Variants in ZNF583 observed in about 807,000 individuals in gnomAD.
ZNF583 encodes the protein zinc finger protein L3-5.
ZNF583 carries 30 observed loss-of-function variants against 55.3 expected under a neutral mutation model. That is an observed-to-expected ratio of 0.54 (90% CI 0.41 to 0.74). The LOEUF (loss-of-function observed/expected upper bound fraction) is 0.74. Ranked by LOEUF, ZNF583 falls within the 30% of genes least tolerant of loss-of-function variation. The pLI is 0.00. For missense variants in ZNF583, 504 were observed against 664.7 expected (o/e 0.76, Z 2.66); for synonymous variants, 208 against 220.0 (o/e 0.95, Z 0.48).
At chr19:56,411,698 C>A (rs1600358745) in intron 2 of ZNF583, among the ~76,000 whole-genome samples, 2 of 152,212 alleles carry the variant, frequency 1.3e-5, no homozygotes, top group Admixed American at 6.5e-5. Context: ...GATTCACATT[C>A]TTTTCCTTCT....
At chr19:56,417,536 A>AGTTCT (rs2042347356) in intron 4 of ZNF583, among the ~76,000 whole-genome samples, 2 of 152,266 alleles carry the variant, frequency 1.3e-5, no homozygotes, top group South Asian at 4.1e-4. Flanking sequence ...ATGATTTGTA[A>AGTTCT]GAGTTCTGTA....
rs530762967 is a variant in ZNF583, at chr19:56,408,431, T to G, written c.9+1308T>G. 3.9e-5 allele frequency among the ~76,000 whole-genome samples: 6 copies of G among 152,352 alleles called. No individual in the cohort carries two copies. The South Asian group carries it at 1.2e-3, about 32-fold the overall frequency. ...GTATATACTAGCATGACTGAGAAAC[T>G]GAATTTTTCATGTTAATTGATTTAA... On this transcript the variant is annotated intron_variant, in intron 2 of 4. Coordinates refer to ENST00000333201, the MANE Select transcript of ZNF583 (RefSeq NM_152478.3).
chr19:56,416,160 T>C (rs1020738240), intron 4 of ZNF583, among the ~76,000 whole-genome samples: 3 of 151,746 alleles, frequency 2.0e-5, no homozygotes, highest in Non-Finnish European at 2.9e-5. Context: ...ACCCTGCCTC[T>C]ACTAAAAATA....
chr19:56,423,183 G>A lies in ZNF583; in HGVS notation c.525G>A (p.Gln175=). The A allele has an allele frequency of 1.1e-5, 17 of 1,612,926 alleles. No individual in the cohort carries two copies. Among genetic ancestry groups the A allele is most frequent in the Non-Finnish European group, 1.4e-5 (17 of 1,179,858 alleles). The change falls in exon 5 of 5, where the codon CAG becomes CAA. Residue 175 remains glutamine, a synonymous_variant. Transcript: ENST00000333201. ...AGGATACAATCTTTGATATACAACAGAGTTTTCCCACCAAAGAAAAAGCAC... is the reference window on the plus strand; with the variant it reads ...AGGATACAATCTTTGATATACAACAAAGTTTTCCCACCAAAGAAAAAGCAC... The part of the protein sequence containing the change: ...FHQDTIFDIQ[Q]SFPTKEKAHK...
chr19:56,419,970 C>A (rs2042388627), intron 4 of ZNF583, among the ~76,000 whole-genome samples: 1 of 151,982 alleles, frequency 6.6e-6, no homozygotes, highest in Admixed American at 6.6e-5. Flanking sequence ...TTTTCTTCTA[C>A]TTTCCTTAAG....
chr19:56,413,876 G>C, intron 2 of ZNF583, 83 bp from the exon 3 acceptor site: 1 of 1,586,000 alleles, frequency 6.3e-7, no homozygotes, highest in Non-Finnish European at 8.6e-7. Context: ...TTCTCTAAAA[G>C]TATAGACAAT....
At position 56,424,457 on chromosome 19, in the gene ZNF583, TA is replaced by T; in HGVS notation, c.*90del. 5 of 632,204 alleles carry T rather than the reference TA, an allele frequency of 7.9e-6. No individual in the cohort carries two copies. The East Asian group carries it at 1.4e-4, about 17-fold the overall frequency. 39.2% of individuals were successfully genotyped at this position (632,204 alleles called of 1,614,324 possible). On this transcript the variant is annotated 3_prime_UTR_variant, in exon 5 of 5. Transcript: ENST00000333201. ...ATATATTTGACATGGGATACTCGAG[TA>T]GCTTTCTAATTGGTCTCCTTGTACT...
Position 56,423,438 on chromosome 19 carries a change from AATAC to A in ZNF583, c.785_788del (p.His262LeufsTer49). 1 of 1,613,972 alleles carries A rather than the reference AATAC, an allele frequency of 6.2e-7. No individual in the cohort carries two copies. The highest frequency in any genetic ancestry group is 8.5e-7 in the Non-Finnish European group (1 of 1,179,866). ...GTGCAAACTTGGCGCAACATAAGAG[AATAC>A]ATACTGGAGAGAAACCCTATGAATG... On this transcript the variant is annotated frameshift_variant, in exon 5 of 5. Transcript: ENST00000333201. LOFTEE classifies it high-confidence loss of function.
rs2147614650 is a variant in ZNF583, at chr19:56,423,382, T to C, written c.724T>C (p.Cys242Arg). The change falls in exon 5 of 5, where the codon TGT (cysteine) becomes CGT (arginine). Residue 242 changes from cysteine (C) to arginine (R), a missense_variant. Cys to Arg is a radical substitution (Grantham distance 180). This residue lies in a region of ZNF583 where 237 missense variants were observed against 373.0 expected (regional missense o/e 0.64). Transcript: ENST00000333201. ...TCATACTGGAGAGAAACCCTATGCA[T>C]GTGTTGAATGTGGGAAAACGTTCAG... is the stretch of plus-strand genomic sequence containing the variant. ...RIHTGEKPYA[C>R]VECGKTFSQS... 1 of 1,614,130 alleles carries C rather than the reference T, an allele frequency of 6.2e-7. No individual in the cohort carries two copies. Among genetic ancestry groups the C allele is most frequent in the Non-Finnish European group, 8.5e-7 (1 of 1,179,998 alleles).
intron 2 of ZNF583, among the ~76,000 whole-genome samples, chr19:56,411,408 A>G (rs1290117740): frequency 1.3e-5 from 2 of 152,382 alleles, no homozygotes; most frequent in Non-Finnish European, 2.9e-5. Context: ...CAAAGTAAAT[A>G]TAAAAAAATG....
chr19:56,421,038 T>G (rs2042405862), intron 4 of ZNF583, among the ~76,000 whole-genome samples: 1 of 152,184 alleles, frequency 6.6e-6, no homozygotes, highest in Admixed American at 6.5e-5. Flanking sequence ...CTTTTTATAT[T>G]ATGCTTCCAG....
chr19:56,423,087 C>T lies in ZNF583; in HGVS notation c.429C>T (p.Ile143=), dbSNP rs1406273338. ...GSQEVHLSQL[I]ITHKEILPEV... ...AAGAGGTACATCTTAGTCAATTAAT[C>T]ATCACTCATAAAGAAATCCTTCCAG... The change falls in exon 5 of 5, where the codon ATC becomes ATT. Residue 143 remains isoleucine, a synonymous_variant. Transcript: ENST00000333201. 1 of 1,612,898 alleles carries T rather than the reference C, an allele frequency of 6.2e-7. No individual in the cohort carries two copies. The highest frequency in any genetic ancestry group is 1.1e-5 in the South Asian group (1 of 90,730).
intron 4 of ZNF583, among the ~76,000 whole-genome samples, chr19:56,416,543 A>G (rs2147587908): frequency 6.6e-6 from 1 of 151,350 alleles, no homozygotes; most frequent in South Asian, 2.1e-4. Context: ...AGCTTAATCT[A>G]TTAATTTAAT....
intron 2 of ZNF583, among the ~76,000 whole-genome samples, chr19:56,409,408 C>T (rs1411003389): frequency 6.7e-6 from 1 of 150,166 alleles, no homozygotes; most frequent in Non-Finnish European, 1.5e-5. Context: ...ACCCATTAGC[C>T]CAAATGCTGT....
intron 4 of ZNF583, chr19:56,421,322 T>C (rs1568813489): frequency 3.6e-6 from 1 of 280,670 alleles, no homozygotes; most frequent in Admixed American, 6.5e-5. Flanking sequence ...TATAGTTTTA[T>C]CAACTTAATT....
rs1404728069 is a variant in ZNF583, at chr19:56,426,484, T to TA, written c.*2117dup. ...TTATATGATCAAAGATAGTAAAAGATACAATATTTTTTAAACCTAAGAATG... is the reference window on the plus strand; with the variant it reads ...TTATATGATCAAAGATAGTAAAAGATAACAATATTTTTTAAACCTAAGAATG... On this transcript the variant is annotated 3_prime_UTR_variant, in exon 5 of 5. Transcript: ENST00000333201. 6.6e-6 allele frequency: 1 copy of TA among 152,166 alleles called. No individual in the cohort carries two copies. Among genetic ancestry groups the TA allele is most frequent in the East Asian group, 1.9e-4 (1 of 5,202 alleles). The allele number at this position is 152,166 out of a possible 1,614,324, so 9.4% of individuals were successfully genotyped here.
chr19:56,408,308 T>C lies in ZNF583; in HGVS notation c.9+1185T>C, dbSNP rs1215385343. ...ATGCAGAAATCAACTAGTACAGCAC[T>C]GTCCAATAGAACTTTCTGTGATGAT... On this transcript the variant is annotated intron_variant, in intron 2 of 4. Transcript: ENST00000333201. Among the ~76,000 whole-genome samples the C allele has an allele frequency of 3.9e-5, 6 of 152,212 alleles. No individual in the cohort carries two copies. In the East Asian group the frequency reaches 9.6e-4, roughly 24 times the overall value.
In ZNF583 at chr19:56,424,142, A is replaced by G. The variant is rs1375184012; in HGVS notation, c.1484A>G (p.Asn495Ser). ...ACTGGAGAGAAACCTTATGAATGTA[A>G]TGTTTGTGGGAAAGCATTTAGCTAT... ...IHTGEKPYEC[N>S]VCGKAFSYSG... Residue 495 changes from asparagine to serine, a missense_variant, in exon 5 of 5, where the codon AAT (asparagine) becomes AGT (serine). This residue lies in a region of ZNF583 where 237 missense variants were observed against 373.0 expected (regional missense o/e 0.64). Transcript: ENST00000333201. The G allele has an allele frequency of 6.2e-7, 1 of 1,612,018 alleles. No homozygotes were observed. The highest frequency in any genetic ancestry group is 8.5e-7 in the Non-Finnish European group (1 of 1,178,564).
Position 56,424,698 on chromosome 19 carries a change from T to G in ZNF583, c.*330T>G. ...CTATCTTGTGTCACTATCCATCTCA[T>G]TCTCTGAATACTTATCCAGGATTAA... On this transcript the variant is annotated 3_prime_UTR_variant, in exon 5 of 5. Transcript: ENST00000333201. 4.8e-6 allele frequency: 1 copy of G among 208,910 alleles called. No individual in the cohort carries two copies. The highest frequency in any genetic ancestry group is 9.7e-6 in the Non-Finnish European group (1 of 102,700). The allele number at this position is 208,910 out of a possible 1,614,324, so 12.9% of individuals were successfully genotyped here. A position where few individuals can be genotyped will look rare whatever the true frequency, so the allele number is the denominator to read the frequency against.
Sources: allele counts gnomAD v4.1 joint callset (sites outside exome capture counted in the v4.1 genomes callset), GRCh38; gene constraint gnomAD v4.1.1; regional missense constraint gnomAD v4.1.1; transcripts MANE v1.5; gene names NCBI Gene and HGNC (gene_info 2026-07-23, HGNC 2026-07-21).